The following PCCB variants were observed in gnomAD, a reference collection of about 807,000 sequenced individuals.
The protein encoded by PCCB is propionyl-CoA carboxylase subunit beta, also known as propionyl-CoA carboxylase beta chain, mitochondrial.
PCCB carries 43 observed loss-of-function variants against 60.7 expected under a neutral mutation model. The observed-to-expected ratio is 0.71, with a 90% CI of 0.55 to 0.91. The LOEUF is 0.91. Ranked by LOEUF, PCCB falls within the 40% of genes least tolerant of loss-of-function variation. PCCB has a pLI of 0.00. For missense variants in PCCB, 766 were observed against 702.8 expected (o/e 1.09, Z -1.02); for synonymous variants, 276 against 255.9 (o/e 1.08, Z -0.75).
chr3:136,326,919 T>G lies in PCCB; in HGVS notation c.1198+9T>G, dbSNP rs1935333560. On this transcript the variant is annotated intron_variant, in intron 11 of 14. Coordinates refer to ENST00000251654, the MANE Select transcript of PCCB (RefSeq NM_000532.5). Reference sequence around the variant, plus strand: ...CCCTGGCTTTCTACCTGGTAAGTTTTTGACAGAGTGGGGGCTAGGAGAGTT... The same window carrying G: ...CCCTGGCTTTCTACCTGGTAAGTTTGTGACAGAGTGGGGGCTAGGAGAGTT... 6.4e-7 allele frequency: 1 copy of G among 1,552,494 alleles called. No individual in the cohort carries two copies.
At chr3:136,259,194 C>A in intron 3 of PCCB, 1 of 1,445,546 alleles carries the variant, frequency 6.9e-7, no homozygotes, top group Non-Finnish European at 9.1e-7. Context: ...AGGCTGGGCA[C>A]AGTGGCTCCC....
intron 9 of PCCB, among the ~76,000 whole-genome samples, chr3:136,308,300 C>T (rs895516222): frequency 7.0e-6 from 1 of 143,636 alleles, no homozygotes; most frequent in Non-Finnish European, 1.5e-5. Flanking sequence ...GTGGCACAAT[C>T]TCAGCCCACC....
chr3:136,286,211 A>G (rs1933397823), intron 6 of PCCB, among the ~76,000 whole-genome samples: 1 of 152,218 alleles, frequency 6.6e-6, no homozygotes, highest in Admixed American at 6.5e-5. Flanking sequence ...ACTGATAATA[A>G]CAATTTCTTA....
chr3:136,327,144 C>T lies in PCCB; in HGVS notation c.1199-11C>T, dbSNP rs1935349302. The T allele has an allele frequency of 6.2e-7, 1 of 1,613,064 alleles. No homozygotes were observed. Among genetic ancestry groups the T allele is most frequent in the Non-Finnish European group, 8.5e-7 (1 of 1,179,080 alleles). ...ACTTGTGGGTATCTAGTAACTCTTC[C>T]TCATGTCTAGGCACAGCACAGGAAT... On this transcript the variant is annotated splice_polypyrimidine_tract_variant and intron_variant, in intron 11 of 14. Transcript: ENST00000251654.
rs1029795547 is a variant in PCCB at position 136,261,878 on chromosome 3, CTG to C, written c.430-71_430-70del. On this transcript the variant is annotated intron_variant, in intron 4 of 14. Coordinates refer to ENST00000251654, the MANE Select transcript of PCCB (RefSeq NM_000532.5). ...CACTCAGAACGTTTTCCAGAAAACA[CTG>C]TGGTATTTTGTGAATGTCGTTTTTT... The C allele has an allele frequency of 3.6e-5, 36 of 1,010,654 alleles. No homozygotes were observed. The East Asian group carries it at 6.0e-4, about 17-fold the overall frequency. The allele number at this position is 1,010,654 out of a possible 1,614,324, so 62.6% of individuals were successfully genotyped here. A position where few individuals can be genotyped will look rare whatever the true frequency, so the allele number is the denominator to read the frequency against.
chr3:136,289,114 C>T (rs1344903556), intron 6 of PCCB, among the ~76,000 whole-genome samples: 1 of 152,038 alleles, frequency 6.6e-6, no homozygotes, highest in Non-Finnish European at 1.5e-5. Flanking sequence ...CACCTAGGGC[C>T]CTTGAGTTGC....
chr3:136,308,961 T>C (rs763118567), intron 9 of PCCB, among the ~76,000 whole-genome samples: 7 of 151,890 alleles, frequency 4.6e-5, no homozygotes, highest in Middle Eastern at 6.8e-3. Flanking sequence ...ACAGTAAAAA[T>C]CAGAGAAGGA....
intron 7 of PCCB, among the ~76,000 whole-genome samples, chr3:136,296,062 CTCTTT>C (rs966201905): frequency 6.6e-5 from 10 of 152,174 alleles, no homozygotes; most frequent in African/African-American, 2.4e-4. Flanking sequence ...ATATTTTTCT[CTCTTT>C]TCTTTTTTCT....
intron 8 of PCCB, among the ~76,000 whole-genome samples, chr3:136,300,015 T>C (rs551970904): frequency 4.1e-4 from 62 of 152,030 alleles, no homozygotes; most frequent in Non-Finnish European, 6.2e-4. Flanking sequence ...CACATATGCA[T>C]GTGTACACGC....
At chr3:136,326,229 T>A in intron 10 of PCCB, 1 of 638,498 alleles carries the variant, frequency 1.6e-6, no homozygotes, top group Non-Finnish European at 2.8e-6. Flanking sequence ...CTTGCTTTGG[T>A]ATTGGGGTAA....
chr3:136,261,872 A>G (rs1343984700), intron 4 of PCCB, 80 bp from the exon 5 acceptor site: 1 of 986,374 alleles, frequency 1.0e-6, no homozygotes, highest in Non-Finnish European at 1.6e-6. Flanking sequence ...CGTTTTCCAG[A>G]AAACACTGTG....
chr3:136,254,831 G>A (rs1941623488), intron 1 of PCCB, among the ~76,000 whole-genome samples: 1 of 150,060 alleles, frequency 6.7e-6, no homozygotes, highest in Non-Finnish European at 1.5e-5. Context: ...GTGCCCAGCC[G>A]AGGCTCCTGG....
At chr3:136,317,090 G>T in intron 10 of PCCB, 26 bp downstream of exon 10, 1 of 1,613,744 alleles carries the variant, frequency 6.2e-7, no homozygotes, top group Non-Finnish European at 8.5e-7. Context: ...TATAAGCCTT[G>T]GTTTTGGGGT....
At chr3:136,271,011 G>T (rs758292006) in intron 5 of PCCB, among the ~76,000 whole-genome samples, 3 of 152,098 alleles carry the variant, frequency 2.0e-5, no homozygotes, top group Non-Finnish European at 4.4e-5. Context: ...TGAGTTCCTT[G>T]TAGATTCTGC....
intron 8 of PCCB, among the ~76,000 whole-genome samples, chr3:136,300,104 A>G (rs759200832): frequency 1.3e-5 from 2 of 151,896 alleles, no homozygotes; most frequent in Admixed American, 6.6e-5. Context: ...ACATATACAT[A>G]CATGCATATC....
rs143406181 is a variant in PCCB, at chr3:136,303,800, C to T, written c.966+2689C>T. Among the ~76,000 whole-genome samples the T allele has an allele frequency of 1.7e-3, 202 of 121,536 alleles. 19 individuals carry two copies. Among genetic ancestry groups the T allele is most frequent in the African/African-American group, 4.4e-3 (177 of 40,012 alleles). 79.7% of individuals were successfully genotyped at this position (121,536 alleles called of 152,430 possible). On this transcript the variant is annotated intron_variant, in intron 9 of 14. Transcript: ENST00000251654. ...TGTACTTTTAGTAGAGACACGGTTT[C>T]GCCATGTTGGCCAGGCTGGTCTTGA...
chr3:136,268,861 T>C (rs371509787), intron 5 of PCCB, among the ~76,000 whole-genome samples: 6 of 152,228 alleles, frequency 3.9e-5, no homozygotes, highest in Non-Finnish European at 7.3e-5. Context: ...TCCTAACATA[T>C]TGAGTCTTCC....
At chr3:136,264,658 G>T (rs1265192327) in intron 5 of PCCB, among the ~76,000 whole-genome samples, 1 of 151,474 alleles carries the variant, frequency 6.6e-6, no homozygotes, top group East Asian at 1.9e-4. Flanking sequence ...TGGATCACGA[G>T]GTCAGGAGAT....
At position 136,265,927 on chromosome 3, in the gene PCCB, G is replaced by A. The variant is rs182357389; in HGVS notation, c.543+3862G>A. ...TGCAAGCTCCACCTCCTGGGTTCAC[G>A]CCATTCTCCTGCCTGAGCCTCCCGA... On this transcript the variant is annotated intron_variant, in intron 5 of 14. Coordinates refer to ENST00000251654, the MANE Select transcript of PCCB (RefSeq NM_000532.5). Among the ~76,000 whole-genome samples, 1,061 of 151,564 alleles carry A rather than the reference G, an allele frequency of 7.0e-3. 14 individuals carry two copies. The highest frequency in any genetic ancestry group is 0.024 in the African/African-American group (978 of 41,274).
Sources: gnomAD v4.1 joint callset for allele counts (sites outside exome capture counted in the v4.1 genomes callset) on GRCh38, gnomAD v4.1.1 for gene constraint, MANE v1.5 for transcripts, NCBI Gene and HGNC (gene_info 2026-07-23, HGNC 2026-07-21) for gene names.